The following COX4I2 variants were observed in gnomAD, a reference collection of about 807,000 sequenced individuals.
COX4I2 encodes cytochrome c oxidase subunit 4 isoform 2, mitochondrial.
COX4I2 carries 15 observed loss-of-function variants against 20.8 expected under a neutral mutation model. That is an observed-to-expected ratio of 0.72 (90% CI 0.48 to 1.11). COX4I2 has a LOEUF of 1.11. COX4I2 is among the 50% of genes most tolerant of loss of function. COX4I2 has a pLI of 0.00. For missense variants in COX4I2, 224 were observed against 223.0 expected (o/e 1.00, Z -0.03); for synonymous variants, 80 against 78.1 (o/e 1.02, Z -0.13).
At chr20:31,638,517 C>G (rs375260816) in intron 1 of COX4I2, among the ~76,000 whole-genome samples, 4 of 151,438 alleles carry the variant, frequency 2.6e-5, no homozygotes, top group Non-Finnish European at 5.9e-5. Context: ...CCTGTGTGCA[C>G]GTAGGCAGCC....
chr20:31,643,936 G>A (rs768335504), intron 4 of COX4I2, among the ~76,000 whole-genome samples: 2 of 152,040 alleles, frequency 1.3e-5, no homozygotes, highest in South Asian at 2.1e-4. Context: ...TCAGCCTCCC[G>A]AGTAGCTGGG....
intron 3 of COX4I2, 142 bp downstream of exon 3, chr20:31,640,239 C>T: frequency 1.2e-6 from 1 of 851,236 alleles, no homozygotes; most frequent in Non-Finnish European, 1.8e-6. Flanking sequence ...AAGTTCATGC[C>T]TTTGTTCGTT....
chr20:31,644,812 C>G lies in COX4I2; in HGVS notation c.424C>G (p.Gln142Glu). The change falls in exon 5 of 5, where the codon CAG (glutamine) becomes GAG (glutamate). Residue 142 changes from glutamine (Q) to glutamate (E), a missense_variant. Coordinates refer to ENST00000376075, the MANE Select transcript of COX4I2 (RefSeq NM_032609.3). ...CACCTTGACGGACGAGCGGAAAGCC[C>G]AGCAGCTGCAGCGCATGCTGGACAT... is the stretch of plus-strand genomic sequence containing the variant. ...PITLTDERKA[Q>E]QLQRMLDMKV... 1 of 1,614,094 alleles carries G rather than the reference C, an allele frequency of 6.2e-7. No individual in the cohort carries two copies. Among genetic ancestry groups the G allele is most frequent in the Non-Finnish European group, 8.5e-7 (1 of 1,180,004 alleles).
intron 3 of COX4I2, 110 bp from the exon 4 acceptor site, chr20:31,643,294 G>A: frequency 7.9e-7 from 1 of 1,263,856 alleles, no homozygotes; most frequent in Non-Finnish European, 1.2e-6. Context: ...TATAGTACGT[G>A]CTCAGTAAGA....
In COX4I2 at chr20:31,644,842, G is replaced by C; in HGVS notation, c.454G>C (p.Val152Leu). Residue 152 changes from valine to leucine, a missense_variant, in exon 5 of 5, where the codon GTG becomes CTG. Val to Leu is a conservative substitution (Grantham distance 32, BLOSUM62 1). Coordinates refer to ENST00000376075, the MANE Select transcript of COX4I2 (RefSeq NM_032609.3). ...QQLQRMLDMKVNPVQGLASRW... is the reference protein window; with the variant it reads ...QQLQRMLDMKLNPVQGLASRW... ...GCTGCAGCGCATGCTGGACATGAAG[G>C]TGAATCCTGTGCAGGGCCTGGCCTC... 6.2e-7 allele frequency: 1 copy of C among 1,613,956 alleles called. No individual in the cohort carries two copies. Among genetic ancestry groups the C allele is most frequent in the Non-Finnish European group, 8.5e-7 (1 of 1,180,004 alleles).
chr20:31,639,492 C>G (rs948934047), intron 2 of COX4I2, among the ~76,000 whole-genome samples: 2 of 151,544 alleles, frequency 1.3e-5, no homozygotes, highest in Non-Finnish European at 2.9e-5. Context: ...CCTTGCTGAC[C>G]CATGGAGAAT....
At chr20:31,642,756 AT>A (rs952869215) in intron 3 of COX4I2, among the ~76,000 whole-genome samples, 2 of 151,616 alleles carry the variant, frequency 1.3e-5, no homozygotes. Flanking sequence ...TAATTTTTAA[AT>A]TTTTTCTAGA....
At chr20:31,644,575 G>A (rs2060485266) in intron 4 of COX4I2, among the ~76,000 whole-genome samples, 193 bp from the exon 5 acceptor site, 1 of 152,166 alleles carries the variant, frequency 6.6e-6, no homozygotes, top group African/African-American at 2.4e-5. Flanking sequence ...TGCCTGGGAC[G>A]ATGCTCTAGG....
At chr20:31,638,878 G>A in intron 1 of COX4I2, 140 bp from the exon 2 acceptor site, 4 of 910,772 alleles carry the variant, frequency 4.4e-6, no homozygotes, top group South Asian at 4.4e-5. Flanking sequence ...GAAGGGTCAA[G>A]GGCATGAGGG....
chr20:31,643,527 G>A lies in COX4I2; in HGVS notation c.371G>A (p.Arg124Gln), dbSNP rs746465103. ...GFAALVIWWQRVYVFPPKPIT... is the reference protein window; with the variant it reads ...GFAALVIWWQQVYVFPPKPIT... The stretch of plus-strand genomic sequence containing the variant: ...GCAGCTCTGGTGATTTGGTGGCAGC[G>A]GGTCTACGGTGAGTGGCAACACCTC... Residue 124 changes from arginine to glutamine, a missense_variant, in exon 4 of 5, where the codon CGG becomes CAG. Coordinates refer to ENST00000376075, the MANE Select transcript of COX4I2 (RefSeq NM_032609.3). The A allele has an allele frequency of 1.1e-5, 18 of 1,614,044 alleles. No individual in the cohort carries two copies. In the Admixed American group the frequency reaches 1.3e-4, roughly 12 times the overall value.
chr20:31,643,047 C>T (rs868113976), intron 3 of COX4I2, among the ~76,000 whole-genome samples: 1 of 152,248 alleles, frequency 6.6e-6, no homozygotes, highest in African/African-American at 2.4e-5. Context: ...TCACTTCACA[C>T]TTTCCCTACC....
At chr20:31,639,144 G>A (rs369199149) in intron 2 of COX4I2, 45 bp downstream of exon 2, 155 of 1,571,726 alleles carry the variant, frequency 9.9e-5, no homozygotes, top group Middle Eastern at 8.0e-4. Flanking sequence ...CAGAGATAGG[G>A]GCAGGGGTCC....
chr20:31,642,943 G>A lies in COX4I2; in HGVS notation c.248-461G>A, dbSNP rs936037982. On this transcript the variant is annotated intron_variant, in intron 3 of 4. Coordinates refer to ENST00000376075, the MANE Select transcript of COX4I2 (RefSeq NM_032609.3). ...TCTCCATGGATTCTAACAAGGTCCT[G>A]TGTGAACCGGCTCTGCCTCTCATTT... Among the ~76,000 whole-genome samples, 5 of 152,134 alleles carry A rather than the reference G, an allele frequency of 3.3e-5. No homozygotes were observed. In the South Asian group the frequency reaches 1.0e-3, roughly 32 times the overall value.
chr20:31,643,051 C>A (rs1288210144), intron 3 of COX4I2, among the ~76,000 whole-genome samples: 2 of 152,246 alleles, frequency 1.3e-5, no homozygotes, highest in Admixed American at 1.3e-4. Flanking sequence ...TTCACACTTT[C>A]CCTACCCACT....
intron 3 of COX4I2, 89 bp from the exon 4 acceptor site, chr20:31,643,315 T>C (rs1297129451): frequency 6.6e-7 from 1 of 1,514,606 alleles, no homozygotes; most frequent in African/African-American, 1.4e-5. Flanking sequence ...ATTTGCTGAA[T>C]GAACAGCATC....
At chr20:31,638,922 C>T in intron 1 of COX4I2, 96 bp from the exon 2 acceptor site, 2 of 1,254,562 alleles carry the variant, frequency 1.6e-6, no homozygotes, top group Non-Finnish European at 2.3e-6. Context: ...CCTACCACTA[C>T]CATACCAGTG....
Position 31,644,806 on chromosome 20 carries a change from A to G in COX4I2, c.418A>G (p.Lys140Glu). The G allele has an allele frequency of 1.9e-6, 3 of 1,614,142 alleles. No individual in the cohort carries two copies. In the South Asian group the frequency reaches 3.3e-5, roughly 18 times the overall value. The change falls in exon 5 of 5, where the codon AAA (lysine) becomes GAA (glutamate). Residue 140 changes from lysine to glutamate, a missense_variant. By Grantham distance (56) the Lys-to-Glu change is moderately conservative (BLOSUM62 1). Coordinates refer to ENST00000376075, the MANE Select transcript of COX4I2 (RefSeq NM_032609.3). ...PKPITLTDER[K>E]AQQLQRMLDM... ...GCCGATCACCTTGACGGACGAGCGG[A>G]AAGCCCAGCAGCTGCAGCGCATGCT... is the stretch of plus-strand genomic sequence containing the variant.
rs752734271 is a variant in COX4I2, at chr20:31,643,502, G to A, written c.346G>A (p.Ala116Thr). 68 of 1,614,012 alleles carry A rather than the reference G, an allele frequency of 4.2e-5. 1 individual carries two copies. Among genetic ancestry groups the A allele is most frequent in the Non-Finnish European group, 4.8e-5 (57 of 1,180,028 alleles). Residue 116 changes from alanine (A) to threonine (T), a missense_variant, in exon 4 of 5, where the codon GCA (alanine) becomes ACA (threonine). Transcript: ENST00000376075. ...TTGTGTCTTCTTCTTCATTGGATTCGCAGCTCTGGTGATTTGGTGGCAGCG... is the reference window on the plus strand; with the variant it reads ...TTGTGTCTTCTTCTTCATTGGATTCACAGCTCTGGTGATTTGGTGGCAGCG... ...MGCVFFFIGFAALVIWWQRVY... is the reference protein window; with the variant it reads ...MGCVFFFIGFTALVIWWQRVY...
chr20:31,638,214 C>A (rs1287452159), intron 1 of COX4I2, among the ~76,000 whole-genome samples: 1 of 151,996 alleles, frequency 6.6e-6, no homozygotes, highest in East Asian at 1.9e-4. Context: ...AATCACTGGC[C>A]GGAGCCCCTC....
Sources: allele counts gnomAD v4.1 joint callset (sites outside exome capture counted in the v4.1 genomes callset), GRCh38; gene constraint gnomAD v4.1.1; transcripts MANE v1.5; gene names NCBI Gene and HGNC (gene_info 2026-07-23, HGNC 2026-07-21).